The following PATZ1 variants were observed in gnomAD, a reference collection of about 807,000 sequenced individuals.
The protein encoded by PATZ1 is POZ/BTB and AT hook containing zinc finger 1.
A neutral mutation model predicts 46.2 loss-of-function variants in PATZ1; 9 were observed. The observed-to-expected ratio is 0.19, with a 90% CI of 0.12 to 0.34. The LOEUF is 0.34. PATZ1 is among the 10% of genes least tolerant of loss of function. PATZ1 has a pLI of 1.00. For missense variants in PATZ1, 632 were observed against 923.0 expected (o/e 0.68, Z 4.08); for synonymous variants, 426 against 378.6 (o/e 1.13, Z -1.45).
intron 2 of PATZ1, among the ~76,000 whole-genome samples, chr22:31,339,735 T>C (rs1428346599): frequency 1.3e-5 from 2 of 152,204 alleles, no homozygotes; most frequent in Non-Finnish European, 2.9e-5. Flanking sequence ...CCAGGCACCC[T>C]GAGTGCAGGT....
rs376906846 is a variant in PATZ1, at chr22:31,345,648, C to A, written c.-46G>T. The stretch of plus-strand genomic sequence containing the variant: ...AGCCCGGCCGCTGCACCTGCCCGCC[C>A]CCTCCCTTCCCCTCAGCAGCGAGAA... On this transcript the variant is annotated 5_prime_UTR_variant, in exon 1 of 5. Transcript: ENST00000266269. The surrounding 1 kb of genome is among the most constrained non-coding windows in gnomAD (Gnocchi z 7.4). 83 of 1,509,838 alleles carry A rather than the reference C, an allele frequency of 5.5e-5. No homozygotes were observed. The African/African-American group carries it at 1.1e-3, about 19-fold the overall frequency. The allele number at this position is 1,509,838 out of a possible 1,614,324, so 93.5% of individuals were successfully genotyped here.
chr22:31,342,817 C>G (rs989124193), intron 2 of PATZ1, 80 bp downstream of exon 2: 1 of 1,512,390 alleles, frequency 6.6e-7, no homozygotes, highest in East Asian at 2.3e-5. Flanking sequence ...CCCCGGCACA[C>G]GCAGCGGCTG....
chr22:31,344,095 CAGG>C (rs1394567473), intron 1 of PATZ1, among the ~76,000 whole-genome samples: 2 of 152,100 alleles, frequency 1.3e-5, no homozygotes, highest in African/African-American at 4.8e-5. Flanking sequence ...AATCCGGCCC[CAGG>C]AGGAGAGACA....
Position 31,328,098 on chromosome 22 carries a change from G to A in PATZ1, c.1645+689C>T, listed in dbSNP as rs908405637. Among the ~76,000 whole-genome samples, 2 of 152,144 alleles carry A rather than the reference G, an allele frequency of 1.3e-5. No homozygotes were observed. Among genetic ancestry groups the A allele is most frequent in the African/African-American group, 4.8e-5 (2 of 41,418 alleles). On this transcript the variant is annotated intron_variant, in intron 4 of 4. Coordinates refer to ENST00000266269, the MANE Select transcript of PATZ1 (RefSeq NM_014323.3). This position sits in a 1 kb window ranked among gnomAD's most constrained non-coding sequence, Gnocchi z 4.8. ...TGCCGGGAAGGGAGGTCTGTGATGG[G>A]AGCATGGAGCATGCCATCTCTGCTG...
chr22:31,341,638 G>C, intron 2 of PATZ1: 1 of 1,614,000 alleles, frequency 6.2e-7, no homozygotes. Context: ...AGGTCGCTAG[G>C]AAGAGGTTCC....
In PATZ1 at chr22:31,326,647, G is replaced by C; in HGVS notation, c.*244C>G. On this transcript the variant is annotated 3_prime_UTR_variant, in exon 5 of 5. Transcript: ENST00000266269. ...TGGTTTTGCCTTGGAGGCCTATGTA[G>C]TGTTTTCTGCCCCTGTCCCATACCA... 2.1e-6 allele frequency: 1 copy of C among 467,674 alleles called. No individual in the cohort carries two copies. Among genetic ancestry groups the C allele is most frequent in the Non-Finnish European group, 3.8e-6 (1 of 263,606 alleles). 29.0% of individuals were successfully genotyped at this position (467,674 alleles called of 1,614,324 possible). A position where few individuals can be genotyped will look rare whatever the true frequency, so the allele number is the denominator to read the frequency against.
At chr22:31,330,270 A>AT (rs778017657) in intron 3 of PATZ1, among the ~76,000 whole-genome samples, 27 of 150,100 alleles carry the variant, frequency 1.8e-4, no homozygotes, top group Non-Finnish European at 3.4e-4. Context: ...TGTGCTACAG[A>AT]TTACTATTAT....
Position 31,345,842 on chromosome 22 carries a change from C to G in PATZ1, c.-240G>C, listed in dbSNP as rs968467227. ...CCCGCCCTCGCTGGACTGCGCGCCA[C>G]TCTCTCCTCTCCGCCCGCCCGCCTC... On this transcript the variant is annotated 5_prime_UTR_variant, in exon 1 of 5. Coordinates refer to ENST00000266269, the MANE Select transcript of PATZ1 (RefSeq NM_014323.3). This position sits in a 1 kb window ranked among gnomAD's most constrained non-coding sequence, Gnocchi z 7.4. 3.1e-5 allele frequency: 13 copies of G among 417,822 alleles called. No individual in the cohort carries two copies. Among genetic ancestry groups the G allele is most frequent in the Non-Finnish European group, 4.6e-5 (11 of 237,112 alleles). 25.9% of individuals were successfully genotyped at this position (417,822 alleles called of 1,614,324 possible). A position where few individuals can be genotyped will look rare whatever the true frequency, so the allele number is the denominator to read the frequency against.
chr22:31,343,178 G>A (rs2049604857), intron 1 of PATZ1: 1 of 1,292,090 alleles, frequency 7.7e-7, no homozygotes, highest in East Asian at 3.2e-5. Flanking sequence ...GAAGAGAAAT[G>A]GGCATTTGTC....
In PATZ1 at chr22:31,345,816, C is replaced by A. The variant is rs979679702; in HGVS notation, c.-214G>T. The A allele has an allele frequency of 1.9e-5, 9 of 463,828 alleles. No homozygotes were observed. In the South Asian group the frequency reaches 4.0e-4, roughly 21 times the overall value. The allele number at this position is 463,828 out of a possible 1,614,324, so 28.7% of individuals were successfully genotyped here. A position where few individuals can be genotyped will look rare whatever the true frequency, so the allele number is the denominator to read the frequency against. On this transcript the variant is annotated 5_prime_UTR_variant, in exon 1 of 5. Transcript: ENST00000266269. The surrounding 1 kb of genome is among the most constrained non-coding windows in gnomAD (Gnocchi z 7.4). ...GTGCACCACCCCCCACATAGCCAAC[C>A]CCCGCCCTCGCTGGACTGCGCGCCA... is the stretch of plus-strand genomic sequence containing the variant.
rs1365539466 is a variant in PATZ1 at position 31,335,694 on chromosome 22, C to A, written c.1505G>T (p.Arg502Leu). ...GPSNFCSICNRGFSSASYLKV... is the reference protein window; with the variant it reads ...GPSNFCSICNLGFSSASYLKV... ...TGAGGAAACAGTGGGCAGATTACCTCGGTTACAGATACTGCAGAAGTTGCT... is the reference window on the plus strand; with the variant it reads ...TGAGGAAACAGTGGGCAGATTACCTAGGTTACAGATACTGCAGAAGTTGCT... The change falls in exon 3 of 5, where the codon CGA (arginine) becomes CTA (leucine). Residue 502 changes from arginine (R) to leucine (L), a missense_variant and splice_region_variant. By Grantham distance (102) the Arg-to-Leu change is moderately radical. Coordinates refer to ENST00000266269, the MANE Select transcript of PATZ1 (RefSeq NM_014323.3). 6.2e-7 allele frequency: 1 copy of A among 1,613,514 alleles called. No individual in the cohort carries two copies.
intron 1 of PATZ1, chr22:31,343,199 CCTCCCCACTCCCTCAATT>C: frequency 7.9e-7 from 1 of 1,267,062 alleles, no homozygotes; most frequent in East Asian, 3.5e-5. Flanking sequence ...TCTGATTTTG[CCTCCCCACTCCCTCAATT>C]CTCCCCACCA....
At chr22:31,343,238 G>A (rs2049605549) in intron 1 of PATZ1, 1 of 1,196,854 alleles carries the variant, frequency 8.4e-7, no homozygotes, top group Non-Finnish European at 1.0e-6. Flanking sequence ...GAAACTCAGT[G>A]TTTTCTAGGA....
intron 3 of PATZ1, among the ~76,000 whole-genome samples, chr22:31,334,555 G>A (rs1424112908): frequency 6.6e-6 from 1 of 152,166 alleles, no homozygotes; most frequent in Non-Finnish European, 1.5e-5. Context: ...CCAACCCAGA[G>A]TGTCAACAAG....
At chr22:31,336,831 C>T (rs1006827349) in intron 2 of PATZ1, among the ~76,000 whole-genome samples, 10 of 143,670 alleles carry the variant, frequency 7.0e-5, no homozygotes, top group East Asian at 2.1e-4. Flanking sequence ...AAAAAAAATC[C>T]GGGCGCGGTG....
Position 31,326,439 on chromosome 22 carries a change from G to C in PATZ1, c.*452C>G, listed in dbSNP as rs2049371315. On this transcript the variant is annotated 3_prime_UTR_variant, in exon 5 of 5. Transcript: ENST00000266269. ...ACAGTTGGGCATCCGCATTGTATAA[G>C]TAGGTGGAGACCCTAGTGTGGTTCT... 8.2e-6 allele frequency: 2 copies of C among 243,240 alleles called. No individual in the cohort carries two copies. Among genetic ancestry groups the C allele is most frequent in the African/African-American group, 4.4e-5 (2 of 45,360 alleles). The allele number at this position is 243,240 out of a possible 1,614,324, so 15.1% of individuals were successfully genotyped here.
Position 31,332,474 on chromosome 22 carries a change from C to T in PATZ1, c.1507+3218G>A, listed in dbSNP as rs541164273. Among the ~76,000 whole-genome samples, 3 of 152,372 alleles carry T rather than the reference C, an allele frequency of 2.0e-5. No individual in the cohort carries two copies. The South Asian group carries it at 6.2e-4, about 32-fold the overall frequency. On this transcript the variant is annotated intron_variant, in intron 3 of 4. Coordinates refer to ENST00000266269, the MANE Select transcript of PATZ1 (RefSeq NM_014323.3). ...GACTGCCACTACAACCAACAAGCCACCGGCCCTTTCACTCCAGAGACGATG... is the reference window on the plus strand; with the variant it reads ...GACTGCCACTACAACCAACAAGCCATCGGCCCTTTCACTCCAGAGACGATG...
Position 31,326,174 on chromosome 22 carries a change from A to C in PATZ1, c.*717T>G, listed in dbSNP as rs73881371. Reference sequence around the variant, plus strand: ...ACAACTGGTCCTAAAAAATAATAACAATAATAATAATAATTAGAGAATTAA... The same window carrying C: ...ACAACTGGTCCTAAAAAATAATAACCATAATAATAATAATTAGAGAATTAA... On this transcript the variant is annotated 3_prime_UTR_variant, in exon 5 of 5. Coordinates refer to ENST00000266269, the MANE Select transcript of PATZ1 (RefSeq NM_014323.3). 4.9e-3 allele frequency: 1,075 copies of C among 220,308 alleles called. 9 individuals carry two copies. Among genetic ancestry groups the C allele is most frequent in the African/African-American group, 0.023 (1,021 of 44,656 alleles). The allele number at this position is 220,308 out of a possible 1,614,324, so 13.6% of individuals were successfully genotyped here. A position where few individuals can be genotyped will look rare whatever the true frequency, so the allele number is the denominator to read the frequency against.
intron 3 of PATZ1, among the ~76,000 whole-genome samples, chr22:31,333,989 T>C (rs1344416647): frequency 6.6e-6 from 1 of 152,206 alleles, no homozygotes; most frequent in African/African-American, 2.4e-5. Flanking sequence ...GTCTGGGCTT[T>C]CTGAGTTTTA....
Sources: allele counts gnomAD v4.1 joint callset (sites outside exome capture counted in the v4.1 genomes callset), GRCh38; gene constraint gnomAD v4.1.1; non-coding constraint Gnocchi (gnomAD v3.1); transcripts MANE v1.5; gene names NCBI Gene and HGNC (gene_info 2026-07-23, HGNC 2026-07-21).